MCC: variants seen among roughly 807,000 people sequenced by gnomAD.
The protein encoded by MCC is MCC regulator of Wnt signaling pathway.
In MCC, 90 loss-of-function variants were observed where a neutral mutation model predicts 116.2. The observed-to-expected ratio is 0.77, with a 90% CI of 0.65 to 0.92. The LOEUF (loss-of-function observed/expected upper bound fraction) is 0.92. MCC is among the 40% of genes least tolerant of loss of function. The pLI is 0.00. For missense variants in MCC, 1,516 were observed against 1,312.2 expected (o/e 1.16, Z -2.40); for synonymous variants, 578 against 510.5 (o/e 1.13, Z -1.78).
intron 1 of MCC, among the ~76,000 whole-genome samples, chr5:113,465,989 T>A (rs911822335): frequency 6.6e-6 from 1 of 151,638 alleles, no homozygotes; most frequent in Non-Finnish European, 1.5e-5. Flanking sequence ...CAGGCTGGAG[T>A]GCGGTGGCGC....
chr5:113,350,351 G>C (rs1768238899), intron 2 of MCC, among the ~76,000 whole-genome samples: 1 of 152,008 alleles, frequency 6.6e-6, no homozygotes, highest in Non-Finnish European at 1.5e-5. Flanking sequence ...TAGACATATA[G>C]GCCAGTGGAA....
At chr5:113,130,534 T>C (rs576889237) in intron 5 of MCC, among the ~76,000 whole-genome samples, 2 of 152,166 alleles carry the variant, frequency 1.3e-5, no homozygotes, top group African/African-American at 4.8e-5. Flanking sequence ...GTTTGAATGA[T>C]TGTCCCCTCC....
chr5:113,217,536 T>C (rs886800408), intron 3 of MCC, among the ~76,000 whole-genome samples: 1 of 148,622 alleles, frequency 6.7e-6, no homozygotes, highest in Non-Finnish European at 1.5e-5. Flanking sequence ...GAGTTTTGTA[T>C]GCATCAAAAC....
intron 1 of MCC, among the ~76,000 whole-genome samples, chr5:113,467,481 A>G (rs1464064835): frequency 1.3e-5 from 2 of 152,188 alleles, no homozygotes; most frequent in Admixed American, 6.5e-5. Flanking sequence ...TTTATGAAAG[A>G]TCAGATAGTT....
At chr5:113,358,074 C>T (rs1032234094) in intron 2 of MCC, among the ~76,000 whole-genome samples, 2 of 152,176 alleles carry the variant, frequency 1.3e-5, no homozygotes, top group Admixed American at 6.5e-5. Flanking sequence ...TCTTAGGAGG[C>T]AAGAACTGAC....
intron 18 of MCC, among the ~76,000 whole-genome samples, chr5:113,027,801 A>T (rs996780854): frequency 2.0e-5 from 3 of 152,188 alleles, no homozygotes; most frequent in African/African-American, 7.2e-5. Flanking sequence ...GATAAATACA[A>T]ATAGTGGGTC....
At chr5:113,091,703 A>G (rs993513925) in intron 8 of MCC, among the ~76,000 whole-genome samples, 1 of 152,070 alleles carries the variant, frequency 6.6e-6, no homozygotes, top group South Asian at 2.1e-4. Flanking sequence ...GCAATAGCGC[A>G]AGACCCTGTC....
At position 113,488,390 on chromosome 5, in the gene MCC, C is replaced by T. The variant is rs1187556064; in HGVS notation, c.25G>A (p.Ala9Thr). The change falls in exon 1 of 19, where the codon GCT becomes ACT. Residue 9 changes from alanine to threonine, a missense_variant. Transcript: ENST00000408903. MMAAAAAAAAGSSSSGGGG... is the reference protein window; with the variant it reads MMAAAAAATAGSSSSGGGG... ...CCGCCGCTGCTGGAGCTCCCCGCAG[C>T]CGCTGCCGCCGCGGCCGCCATCATG... 23 of 1,405,032 alleles carry T rather than the reference C, an allele frequency of 1.6e-5. No individual in the cohort carries two copies. Among genetic ancestry groups the T allele is most frequent in the Non-Finnish European group, 2.1e-5 (23 of 1,090,940 alleles). The allele number at this position is 1,405,032 out of a possible 1,614,324, so 87.0% of individuals were successfully genotyped here.
intron 15 of MCC, among the ~76,000 whole-genome samples, chr5:113,049,941 A>T (rs1752375293): frequency 6.6e-6 from 1 of 152,208 alleles, no homozygotes; most frequent in African/African-American, 2.4e-5. Flanking sequence ...GTATCCTAAG[A>T]ACTCAAATGA....
At chr5:113,414,470 T>G (rs530083031) in intron 1 of MCC, among the ~76,000 whole-genome samples, 2 of 152,238 alleles carry the variant, frequency 1.3e-5, no homozygotes, top group African/African-American at 4.8e-5. Flanking sequence ...AGTGCATATA[T>G]ATTTAGGACA....
At chr5:113,316,489 A>G (rs1362292546) in intron 3 of MCC, among the ~76,000 whole-genome samples, 1 of 152,236 alleles carries the variant, frequency 6.6e-6, no homozygotes, top group Non-Finnish European at 1.5e-5. Context: ...ATAAGGATTG[A>G]ATATTCTCCT....
At chr5:113,417,094 C>T (rs111410349) in intron 1 of MCC, among the ~76,000 whole-genome samples, 4,906 of 151,878 alleles carry the variant, frequency 0.032, 280 homozygotes, top group African/African-American at 0.11. Context: ...CTCAGCCTCC[C>T]AAGTAGCTGG....
intron 3 of MCC, among the ~76,000 whole-genome samples, chr5:113,271,635 C>T (rs548340919): frequency 6.6e-6 from 1 of 152,242 alleles, no homozygotes; most frequent in South Asian, 2.1e-4. Context: ...GGGAATGTGT[C>T]CTGGGGAAAA....
At chr5:113,028,344 A>G (rs1216187471) in intron 18 of MCC, among the ~76,000 whole-genome samples, 2 of 151,976 alleles carry the variant, frequency 1.3e-5, no homozygotes, top group East Asian at 3.9e-4. Context: ...CACTTTTCTA[A>G]TTATTTCTTG....
chr5:113,316,535 T>A (rs969796852), intron 3 of MCC, among the ~76,000 whole-genome samples: 1 of 152,210 alleles, frequency 6.6e-6, no homozygotes, highest in Admixed American at 6.5e-5. Context: ...ATCCAATAAG[T>A]TCCAAGAGTG....
At chr5:113,352,022 T>C (rs572407881) in intron 2 of MCC, among the ~76,000 whole-genome samples, 1 of 152,320 alleles carries the variant, frequency 6.6e-6, no homozygotes, top group South Asian at 2.1e-4. Flanking sequence ...CAATTTTTGC[T>C]GAAGTGATGC....
intron 1 of MCC, among the ~76,000 whole-genome samples, chr5:113,409,787 G>T (rs772429230): frequency 6.6e-6 from 1 of 152,176 alleles, no homozygotes; most frequent in African/African-American, 2.4e-5. Flanking sequence ...TTATGCATCA[G>T]ATAGTGAGGA....
chr5:113,239,130 T>C (rs1434575544), intron 3 of MCC, among the ~76,000 whole-genome samples: 2 of 152,232 alleles, frequency 1.3e-5, no homozygotes, highest in African/African-American at 4.8e-5. Context: ...AAATTGGACA[T>C]ACAAGCTGTT....
intron 14 of MCC, among the ~76,000 whole-genome samples, chr5:113,055,970 T>C (rs1326184522): frequency 1.3e-5 from 2 of 152,262 alleles, no homozygotes; most frequent in Non-Finnish European, 2.9e-5. Flanking sequence ...GTCTCTAGCC[T>C]GACCTGCAGA....
Sources: gnomAD v4.1 joint callset for allele counts (sites outside exome capture counted in the v4.1 genomes callset) on GRCh38, gnomAD v4.1.1 for gene constraint, MANE v1.5 for transcripts, NCBI Gene and HGNC (gene_info 2026-07-23, HGNC 2026-07-21) for gene names.